Variants in SGCZ observed in about 807,000 individuals in gnomAD.
SGCZ encodes sarcoglycan zeta, also known as zeta-sarcoglycan.
A neutral mutation model predicts 41.3 loss-of-function variants in SGCZ; 40 were observed. That is an observed-to-expected ratio of 0.97 (90% confidence interval 0.75 to 1.26). The LOEUF is 1.26. SGCZ is among the 50% of genes most tolerant of loss of function. SGCZ has a pLI of 0.00. For missense variants in SGCZ, 552 were observed against 369.8 expected, an observed-to-expected ratio of 1.49 and a Z score of -4.04; for synonymous variants, 206 against 137.5, an observed-to-expected ratio of 1.50 and a Z score of -3.49.
intron 2 of SGCZ, among the ~76,000 whole-genome samples, chr8:14,425,077 C>T (rs1353025000): frequency 3.3e-5 from 5 of 151,730 alleles, no homozygotes; most frequent in Non-Finnish European, 5.9e-5. Flanking sequence ...TTTTAAATTT[C>T]GTTATTTTTT....
At chr8:14,366,819 T>G (rs1378290837) in intron 2 of SGCZ, among the ~76,000 whole-genome samples, 1 of 152,128 alleles carries the variant, frequency 6.6e-6, no homozygotes, top group African/African-American at 2.4e-5. Flanking sequence ...ACTTCTTAGA[T>G]ACAATGAGGA....
At chr8:14,652,210 G>A (rs1807422597) in intron 1 of SGCZ, among the ~76,000 whole-genome samples, 3 of 151,258 alleles carry the variant, frequency 2.0e-5, no homozygotes, top group South Asian at 2.1e-4. Flanking sequence ...GCGTGGTGGC[G>A]AATGCATGTA....
chr8:14,304,515 G>A (rs937362572), intron 3 of SGCZ, among the ~76,000 whole-genome samples: 2 of 152,104 alleles, frequency 1.3e-5, no homozygotes, highest in Non-Finnish European at 2.9e-5. Context: ...GATCACTTGA[G>A]ACCAGCGGTC....
intron 4 of SGCZ, among the ~76,000 whole-genome samples, chr8:14,174,681 T>C (rs1020629559): frequency 6.6e-6 from 1 of 152,042 alleles, no homozygotes; most frequent in Non-Finnish European, 1.5e-5. Flanking sequence ...AATACTGACC[T>C]CTCAATATGA....
intron 1 of SGCZ, among the ~76,000 whole-genome samples, chr8:14,823,880 G>A (rs1373256271): frequency 1.3e-5 from 2 of 152,002 alleles, no homozygotes; most frequent in Admixed American, 6.6e-5. Context: ...GATAGACAAT[G>A]GTATATGATT....
At chr8:14,537,467 A>G (rs77889540) in intron 2 of SGCZ, among the ~76,000 whole-genome samples, 2,353 of 151,992 alleles carry the variant, frequency 0.015, 56 homozygotes, top group African/African-American at 0.054. Flanking sequence ...TTTCTTCAAT[A>G]AAGATAATAT....
At chr8:14,645,476 ATT>A (rs1483435121) in intron 1 of SGCZ, among the ~76,000 whole-genome samples, 1 of 103,888 alleles carries the variant, frequency 9.6e-6, no homozygotes, top group East Asian at 3.1e-4. Context: ...ATATATATAT[ATT>A]TATATGTATA....
At chr8:14,575,161 G>A (rs1013920708) in intron 1 of SGCZ, among the ~76,000 whole-genome samples, 1 of 152,070 alleles carries the variant, frequency 6.6e-6, no homozygotes, top group African/African-American at 2.4e-5. Context: ...AATAATTTTG[G>A]GAAAAGTAAA....
At chr8:14,996,319 C>A (rs17120695) in intron 1 of SGCZ, among the ~76,000 whole-genome samples, 5,048 of 152,290 alleles carry the variant, frequency 0.033, 291 homozygotes, top group African/African-American at 0.11. Context: ...GTCTCTTTAA[C>A]CATGCACCCT....
intron 2 of SGCZ, among the ~76,000 whole-genome samples, chr8:14,480,603 A>G (rs190871135): frequency 1.3e-5 from 2 of 152,122 alleles, no homozygotes; most frequent in African/African-American, 4.8e-5. Context: ...CATCATGCTG[A>G]CTCCTTCAGT....
At chr8:14,381,629 A>T (rs1450621331) in intron 2 of SGCZ, among the ~76,000 whole-genome samples, 4 of 151,784 alleles carry the variant, frequency 2.6e-5, no homozygotes, top group African/African-American at 9.7e-5. Context: ...AAAATGAAAA[A>T]TTGGCTGGGT....
At chr8:14,634,679 G>A (rs928134930) in intron 1 of SGCZ, among the ~76,000 whole-genome samples, 4 of 151,714 alleles carry the variant, frequency 2.6e-5, no homozygotes, top group South Asian at 2.1e-4. Context: ...GATATTAAGA[G>A]GAACCTGACA....
At chr8:14,927,761 G>A (rs542832860) in intron 1 of SGCZ, among the ~76,000 whole-genome samples, 140 of 152,232 alleles carry the variant, frequency 9.2e-4, no homozygotes, top group African/African-American at 2.6e-3. Flanking sequence ...AGCAAAATGC[G>A]TTGACTCGGC....
In SGCZ at chr8:15,013,279, C is replaced by A. The variant is rs145054424; in HGVS notation, c.39+224306G>T. ...ACTGTAATAAAATTCTTGCTATGAA[C>A]CTTTATGAACAAGCCAACAGACTGA... is the stretch of plus-strand genomic sequence containing the variant. On this transcript the variant is annotated intron_variant, in intron 1 of 7. Transcript: ENST00000382080. Among the ~76,000 whole-genome samples the A allele has an allele frequency of 3.3e-5, 5 of 152,160 alleles. No individual in the cohort carries two copies. The East Asian group carries it at 9.7e-4, about 29-fold the overall frequency.
At chr8:14,221,468 T>C (rs1806191616) in intron 4 of SGCZ, among the ~76,000 whole-genome samples, 1 of 152,186 alleles carries the variant, frequency 6.6e-6, no homozygotes, top group Non-Finnish European at 1.5e-5. Flanking sequence ...TAAATATCTC[T>C]TAAGTCAAAA....
intron 3 of SGCZ, among the ~76,000 whole-genome samples, chr8:14,293,540 A>G (rs1246410174): frequency 1.3e-5 from 2 of 151,954 alleles, no homozygotes; most frequent in African/African-American, 4.8e-5. Context: ...TGTCAGTTTG[A>G]TACATATGTC....
Position 14,777,609 on chromosome 8 carries a change from T to A in SGCZ, c.40-222683A>T, listed in dbSNP as rs182963328. Among the ~76,000 whole-genome samples, 68 of 152,286 alleles carry A rather than the reference T, an allele frequency of 4.5e-4. No homozygotes were observed. In the East Asian group the frequency reaches 0.013, roughly 28 times the overall value. The stretch of plus-strand genomic sequence containing the variant: ...CATTACTGGTTTGATAATTACAATG[T>A]GATGCATAAGACATACGCATATCCA... On this transcript the variant is annotated intron_variant, in intron 1 of 7. Coordinates refer to ENST00000382080, the MANE Select transcript of SGCZ (RefSeq NM_139167.4).
intron 2 of SGCZ, among the ~76,000 whole-genome samples, chr8:14,394,167 T>C (rs1207156864): frequency 9.0e-4 from 124 of 137,768 alleles, no homozygotes; most frequent in Non-Finnish European, 1.8e-3. Flanking sequence ...TTTTTTTTTT[T>C]TGAGATTTAG....
chr8:15,210,463 C>T (rs1386254314), intron 1 of SGCZ, among the ~76,000 whole-genome samples: 1 of 143,392 alleles, frequency 7.0e-6, no homozygotes, highest in Admixed American at 7.2e-5. Context: ...TCCATAACAA[C>T]TTCCTTAAAG....
Sources: allele counts gnomAD v4.1 joint callset (sites outside exome capture counted in the v4.1 genomes callset), GRCh38; gene constraint gnomAD v4.1.1; transcripts MANE v1.5; gene names NCBI Gene and HGNC (gene_info 2026-07-23, HGNC 2026-07-21).